SALL1: variants seen among roughly 807,000 people sequenced by gnomAD.
SALL1 encodes the protein spalt like transcription factor 1, also known as sal-like protein 1.
SALL1 carries 10 observed loss-of-function variants against 73.1 expected under a neutral mutation model. The ratio of observed to expected loss-of-function variants is 0.14; its 90% CI spans 0.08 to 0.23. The LOEUF (loss-of-function observed/expected upper bound fraction) is 0.23, where lower values mean the gene tolerates loss of function less well. Among genes scored for constraint, SALL1 ranks in the 10% least tolerant of loss-of-function variants. The pLI is 1.00. For synonymous variants in SALL1, 688 were observed against 689.8 expected (o/e 1.00, Z 0.04); for missense variants, 1,520 against 1,697.3 (o/e 0.90, Z 1.84).
intron 1 of SALL1, chr16:51,150,346 G>C: frequency 5.3e-6 from 5 of 942,960 alleles, no homozygotes; most frequent in Non-Finnish European, 6.3e-6. Flanking sequence ...CCTGGAAGTA[G>C]GGAGCACCAC....
chr16:51,140,995 G>A lies in SALL1; in HGVS notation c.1227C>T (p.Ile409=), dbSNP rs368412604. 6.4e-5 allele frequency: 103 copies of A among 1,614,106 alleles called. No homozygotes were observed. Among genetic ancestry groups the A allele is most frequent in the Non-Finnish European group, 7.6e-5 (90 of 1,180,052 alleles). Residue 409 remains isoleucine, a synonymous_variant, in exon 2 of 3, where the codon ATC becomes ATT. Transcript: ENST00000251020. The surrounding 1 kb of genome is among the most constrained non-coding windows in gnomAD (Gnocchi z 5.7). ...NSVFPSPLPN[I]GTTAEDLNSL... The stretch of plus-strand genomic sequence containing the variant: ...AGTTTAAATCCTCTGCAGTTGTTCC[G>A]ATGTTGGGCAAAGGGCTGGGGAAAA...
At chr16:51,151,685 G>T (rs1962612557), upstream of SALL1, among the ~76,000 whole-genome samples, 2 of 151,286 alleles carry the variant, frequency 1.3e-5, no homozygotes, top group South Asian at 4.2e-4. Flanking sequence ...TGCGGGCCCG[G>T]CGCCCCGGCA....
At chr16:51,152,267 T>A (rs1280223942), upstream of SALL1, 1 of 152,336 alleles carries the variant, frequency 6.6e-6, no homozygotes, top group Non-Finnish European at 1.5e-5. Context: ...TCCTCCAGCT[T>A]CTTGCTTGCT....
chr16:51,137,727 T>C (rs1283222836), intron 2 of SALL1, among the ~76,000 whole-genome samples, 175 bp from the exon 3 acceptor site: 1 of 152,172 alleles, frequency 6.6e-6, no homozygotes, highest in Admixed American at 6.5e-5. Context: ...ACAGGAACCA[T>C]CCATTCCTCC....
chr16:51,151,014 G>GAA, intron 1 of SALL1, 152 bp downstream of exon 1: 1 of 433,224 alleles, frequency 2.3e-6, no homozygotes, highest in Non-Finnish European at 4.0e-6. Context: ...AAATTAAAAA[G>GAA]AAAAAAAAAA....
chr16:51,137,893 A>G (rs1427286608), intron 2 of SALL1, among the ~76,000 whole-genome samples: 1 of 152,168 alleles, frequency 6.6e-6, no homozygotes, highest in African/African-American at 2.4e-5. Flanking sequence ...TCAGGGTTAG[A>G]ATTGTTAGGT....
At position 51,141,628 on chromosome 16, in the gene SALL1, C is replaced by T; in HGVS notation, c.594G>A (p.Glu198=). The T allele has an allele frequency of 6.2e-7, 1 of 1,613,992 alleles. No homozygotes were observed. The highest frequency in any genetic ancestry group is 1.7e-5 in the Admixed American group (1 of 60,018). ...CCGCCACCTTGGTGCTCTGGAGGTT[C>T]TCGATGATGACGTTGCTGTTGATTA... is the stretch of plus-strand genomic sequence containing the variant. ...FSVINSNVII[E]NLQSTKVAVA... Residue 198 remains glutamate (E), a synonymous_variant, in exon 2 of 3, where the codon GAG becomes GAA. Transcript: ENST00000251020. The surrounding 1 kb of genome is among the most constrained non-coding windows in gnomAD (Gnocchi z 5.4).
At position 51,137,503 on chromosome 16, in the gene SALL1, C is replaced by A; in HGVS notation, c.3584G>T (p.Arg1195Leu). Reference protein sequence around the residue: ...MWNSTPARRGRRLSVDGPMTF... With the variant: ...MWNSTPARRGLRLSVDGPMTF... ...CATGGGGCCATCCACAGAGAGCCGC[C>A]GACCCCGTCGTGCAGGGGTGCTATT... The change falls in exon 3 of 3, where the codon CGG (arginine) becomes CTG (leucine). Residue 1195 changes from arginine to leucine, a missense_variant. Physicochemically the swap from Arg to Leu is moderately radical, Grantham distance 102 (BLOSUM62 -2). Around this residue, in one of 7 missense-constraint regions of SALL1, gnomAD observed 318 missense variants for 357.1 expected, o/e 0.89. Coordinates refer to ENST00000251020, the MANE Select transcript of SALL1 (RefSeq NM_002968.3). The A allele has an allele frequency of 6.2e-7, 1 of 1,613,846 alleles. No individual in the cohort carries two copies. The highest frequency in any genetic ancestry group is 2.2e-5 in the East Asian group (1 of 44,868).
chr16:51,145,315 C>T (rs558809385), intron 1 of SALL1, among the ~76,000 whole-genome samples: 1 of 152,142 alleles, frequency 6.6e-6, no homozygotes, highest in South Asian at 2.1e-4. Flanking sequence ...TAATCTGTTA[C>T]ACAAGATTGC....
At position 51,140,581 on chromosome 16, in the gene SALL1, G is replaced by T; in HGVS notation, c.1641C>A (p.Val547=). Residue 547 remains valine, a synonymous_variant, in exon 2 of 3, where the codon GTC becomes GTA. Coordinates refer to ENST00000251020, the MANE Select transcript of SALL1 (RefSeq NM_002968.3). The surrounding 1 kb of genome is among the most constrained non-coding windows in gnomAD (Gnocchi z 5.7). ...CGACTGAAGTGGTCAGAGTAGGCAG[G>T]ACTGGTTTGGTGTCTAGCCAGCTGG... ...PVTSWLDTKP[V]LPTLTTSVGL... The T allele has an allele frequency of 6.2e-7, 1 of 1,614,094 alleles. No individual in the cohort carries two copies. The highest frequency in any genetic ancestry group is 1.3e-5 in the African/African-American group (1 of 75,048).
chr16:51,141,427 T>C lies in SALL1; in HGVS notation c.795A>G (p.Pro265=). ...LLLASQNADL[P]TSSSPSQGTL... is the part of the protein sequence containing the mutation. ...TACCTTGAGAAGGACTAGAAGATGTTGGCAAGTCTGCATTCTGAGAAGCCA... is the reference window on the plus strand; with the variant it reads ...TACCTTGAGAAGGACTAGAAGATGTCGGCAAGTCTGCATTCTGAGAAGCCA... Residue 265 remains proline, a synonymous_variant, in exon 2 of 3, where the codon CCA becomes CCG. Coordinates refer to ENST00000251020, the MANE Select transcript of SALL1 (RefSeq NM_002968.3). The surrounding 1 kb of genome is among the most constrained non-coding windows in gnomAD (Gnocchi z 5.4). 1 of 1,614,172 alleles carries C rather than the reference T, an allele frequency of 6.2e-7. No homozygotes were observed. The highest frequency in any genetic ancestry group is 1.3e-5 in the African/African-American group (1 of 75,026).
chr16:51,151,126 TGC>T, intron 1 of SALL1, 38 bp downstream of exon 1: 3 of 1,508,628 alleles, frequency 2.0e-6, no homozygotes, highest in Middle Eastern at 2.3e-4. Flanking sequence ...TGAGTGTGAG[TGC>T]GTGTGTGTGT....
At chr16:51,152,229 C>G (rs1476880319), upstream of SALL1, 3 of 152,456 alleles carry the variant, frequency 2.0e-5, no homozygotes, top group African/African-American at 7.2e-5. Flanking sequence ...CTCCCGCCAC[C>G]CCATCCCCTC....
At chr16:51,145,007 T>C (rs1204194345) in intron 1 of SALL1, among the ~76,000 whole-genome samples, 2 of 152,032 alleles carry the variant, frequency 1.3e-5, no homozygotes. Context: ...TTTTGATTTA[T>C]TTCAAAAGCA....
Position 51,139,465 on chromosome 16 carries a change from G to A in SALL1, c.2757C>T (p.Ile919=). ...MESQSAGSPA[I]SESTSSMQAL... ...CCTGCATGGAAGAGGTAGACTCTGA[G>A]ATGGCTGGGCTGCCAGCACTTTGGC... The change falls in exon 2 of 3, where the codon ATC becomes ATT. Residue 919 remains isoleucine (I), a synonymous_variant. Coordinates refer to ENST00000251020, the MANE Select transcript of SALL1 (RefSeq NM_002968.3). 1 of 1,614,206 alleles carries A rather than the reference G, an allele frequency of 6.2e-7. No homozygotes were observed. Among genetic ancestry groups the A allele is most frequent in the Non-Finnish European group, 8.5e-7 (1 of 1,180,042 alleles).
chr16:51,149,949 C>G (rs904887168), intron 1 of SALL1: 2 of 152,412 alleles, frequency 1.3e-5, no homozygotes, highest in Non-Finnish European at 2.9e-5. Flanking sequence ...GCCGCTGAGA[C>G]CCCGCCGAGA....
Position 51,141,438 on chromosome 16 carries a change from C to A in SALL1, c.784G>T (p.Ala262Ser). ...HQILLLASQNADLPTSSSPSQ... is the reference protein window; with the variant it reads ...HQILLLASQNSDLPTSSSPSQ... ...GGACTAGAAGATGTTGGCAAGTCTG[C>A]ATTCTGAGAAGCCAACAGCAATATT... The change falls in exon 2 of 3, where the codon GCA becomes TCA. Residue 262 changes from alanine (A) to serine (S), a missense_variant. By Grantham distance (99) the Ala-to-Ser change is moderately conservative. Transcript: ENST00000251020. This position sits in a 1 kb window ranked among gnomAD's most constrained non-coding sequence, Gnocchi z 5.4. 1.9e-6 allele frequency: 3 copies of A among 1,614,170 alleles called. No homozygotes were observed. The highest frequency in any genetic ancestry group is 2.2e-5 in the South Asian group (2 of 91,090).
Position 51,137,214 on chromosome 16 carries a change from A to G in SALL1, c.3873T>C (p.Asn1291=), listed in dbSNP as rs1427029044. The G allele has an allele frequency of 6.2e-7, 1 of 1,613,958 alleles. No homozygotes were observed. The highest frequency in any genetic ancestry group is 1.3e-5 in the African/African-American group (1 of 74,908). The part of the protein sequence containing the change: ...NLERLQNSEP[N]APLAGLEKMA... ...TTTTCTCCAGGCCGGCCAGGGGAGC[A>G]TTGGGCTCTGAGTTCTGGAGCCTCT... The change falls in exon 3 of 3, where the codon AAT becomes AAC. Residue 1291 remains asparagine, a synonymous_variant. Coordinates refer to ENST00000251020, the MANE Select transcript of SALL1 (RefSeq NM_002968.3).
rs1328685594 is a variant in SALL1 at position 51,137,510 on chromosome 16, G to A, written c.3577C>T (p.Arg1193Trp). 5.6e-6 allele frequency: 9 copies of A among 1,613,772 alleles called. No homozygotes were observed. Among genetic ancestry groups the A allele is most frequent in the Non-Finnish European group, 6.8e-6 (8 of 1,180,002 alleles). ...THMWNSTPAR[R>W]GRRLSVDGPM... ...CCATCCACAGAGAGCCGCCGACCCC[G>A]TCGTGCAGGGGTGCTATTCCACATG... Residue 1193 changes from arginine to tryptophan, a missense_variant, in exon 3 of 3, where the codon CGG becomes TGG. Coordinates refer to ENST00000251020, the MANE Select transcript of SALL1 (RefSeq NM_002968.3).
Sources: gnomAD v4.1 joint callset for allele counts (sites outside exome capture counted in the v4.1 genomes callset) on GRCh38, gnomAD v4.1.1 for gene constraint, gnomAD v4.1.1 regional missense constraint, Gnocchi (gnomAD v3.1) non-coding constraint, MANE v1.5 for transcripts, NCBI Gene and HGNC (gene_info 2026-07-23, HGNC 2026-07-21) for gene names.